Variants in BTN3A1 observed in about 807,000 individuals in gnomAD.
The protein encoded by BTN3A1 is dJ45P21.3 (butyrophilin, subfamily 3, member A1).
BTN3A1 carries 24 observed loss-of-function variants against 43.0 expected under a neutral mutation model. The observed-to-expected ratio is 0.56, with a 90% CI of 0.40 to 0.78. BTN3A1 has a LOEUF of 0.78. BTN3A1 is among the 30% of genes least tolerant of loss of function. The pLI, the probability that BTN3A1 is intolerant of heterozygous loss-of-function variation, is 0.00. For missense variants in BTN3A1, 533 were observed against 626.2 expected (o/e 0.85, Z 1.59); for synonymous variants, 181 against 234.7 (o/e 0.77, Z 2.09).
In BTN3A1 at chr6:26,413,883, CACGCACTGA is replaced by C. The variant is rs1318271900; in HGVS notation, c.*193_*201del. 3 of 1,067,010 alleles carry C rather than the reference CACGCACTGA, an allele frequency of 2.8e-6. No homozygotes were observed. The highest frequency in any genetic ancestry group is 4.1e-6 in the Non-Finnish European group (3 of 733,928). 66.1% of individuals were successfully genotyped at this position (1,067,010 alleles called of 1,614,324 possible). A position where few individuals can be genotyped will look rare whatever the true frequency, so the allele number is the denominator to read the frequency against. On this transcript the variant is annotated 3_prime_UTR_variant, in exon 10 of 10. Transcript: ENST00000289361. Reference sequence around the variant, plus strand: ...CCAATCACAACCATAAAGCTACAAGCACGCACTGAAGCACTTTACTGATACTCATTCAAT... The same window carrying C: ...CCAATCACAACCATAAAGCTACAAGCAGCACTTTACTGATACTCATTCAAT...
Position 26,413,515 on chromosome 6 carries a change from GC to G in BTN3A1, c.1370del (p.Pro457LeufsTer45). ...CCAGAACCAACCTGAAACTTCCTAA[GC>G]CCCCTAAGAAAGTGGGGGTCTTCCT... ...EPRTNLKLPK[P>X]PKKVGVFLDY... On this transcript the variant is annotated frameshift_variant, in exon 10 of 10. Transcript: ENST00000289361. LOFTEE classifies it low-confidence loss of function (END_TRUNC). 6.2e-7 allele frequency: 1 copy of G among 1,614,116 alleles called. No homozygotes were observed. The highest frequency in any genetic ancestry group is 1.3e-5 in the African/African-American group (1 of 75,012).
chr6:26,408,663 T>A (rs1484812866), intron 4 of BTN3A1, among the ~76,000 whole-genome samples: 1 of 152,264 alleles, frequency 6.6e-6, no homozygotes, highest in African/African-American at 2.4e-5. Flanking sequence ...TTGTATGAGA[T>A]GATCCATGTA....
chr6:26,407,490 T>A (rs759437965), intron 3 of BTN3A1, among the ~76,000 whole-genome samples, 181 bp from the exon 4 acceptor site: 1 of 152,214 alleles, frequency 6.6e-6, no homozygotes, highest in African/African-American at 2.4e-5. Flanking sequence ...GCCCCACTGT[T>A]ACTGACCCTG....
At chr6:26,408,111 C>T (rs1411612389) in intron 4 of BTN3A1, among the ~76,000 whole-genome samples, 159 bp downstream of exon 4, 1 of 152,190 alleles carries the variant, frequency 6.6e-6, no homozygotes, top group Non-Finnish European at 1.5e-5. Flanking sequence ...AGCTTCTCTT[C>T]TCCATAAAGC....
chr6:26,410,106 C>T (rs1414248395), intron 7 of BTN3A1, 74 bp downstream of exon 7: 1 of 1,588,012 alleles, frequency 6.3e-7, no homozygotes, highest in East Asian at 2.2e-5. Flanking sequence ...ACTCTTAACT[C>T]TTTCCCCAAG....
In BTN3A1 at chr6:26,413,296, T is replaced by A. The variant is rs773202042; in HGVS notation, c.1146T>A (p.Tyr382Ter). Residue 382 changes from tyrosine to a stop codon, truncating the protein, a stop_gained, in exon 10 of 10, where the codon TAT becomes TAA. Transcript: ENST00000289361. LOFTEE classifies it low-confidence loss of function (END_TRUNC). ...ACCCTGAGAGATTTAATTGGCATTA[T>A]TGTGTTCTCGGCTGTGAGAGCTTCA... ...PDNPERFNWH[Y>*]CVLGCESFIS... 143 of 1,614,030 alleles carry A rather than the reference T, an allele frequency of 8.9e-5. No individual in the cohort carries two copies. In the Admixed American group the frequency reaches 2.3e-3, roughly 26 times the overall value.
At chr6:26,411,174 G>A (rs79628800) in intron 8 of BTN3A1, 39 bp downstream of exon 8, 62,478 of 1,599,596 alleles carry the variant, frequency 0.039, 1,364 homozygotes, top group Middle Eastern at 0.059. Flanking sequence ...GCTGGGACAC[G>A]TGCCATGAAC....
intron 1 of BTN3A1, chr6:26,404,428 T>G (rs991503908): frequency 4.6e-5 from 7 of 152,222 alleles, no homozygotes; most frequent in Non-Finnish European, 1.0e-4. Flanking sequence ...TTTCAGGCAT[T>G]TACATAAATA....
At chr6:26,407,574 G>A (rs1371783082) in intron 3 of BTN3A1, 97 bp from the exon 4 acceptor site, 2 of 1,421,144 alleles carry the variant, frequency 1.4e-6, no homozygotes, top group Non-Finnish European at 1.9e-6. Flanking sequence ...AAATGAAATT[G>A]TTCTTGAATT....
At position 26,415,124 on chromosome 6, in the gene BTN3A1, T is replaced by C. The variant is rs896771613; in HGVS notation, c.*1432T>C. On this transcript the variant is annotated 3_prime_UTR_variant, in exon 10 of 10. Transcript: ENST00000289361. ...GAAAAACTACTCCTCATTATCATCATTATTATTGCTCTCCACTGTATCCCC... is the reference window on the plus strand; with the variant it reads ...GAAAAACTACTCCTCATTATCATCACTATTATTGCTCTCCACTGTATCCCC... 3.3e-5 allele frequency: 5 copies of C among 152,198 alleles called. No individual in the cohort carries two copies. Among genetic ancestry groups the C allele is most frequent in the African/African-American group, 1.2e-4 (5 of 41,436 alleles). 9.4% of individuals were successfully genotyped at this position (152,198 alleles called of 1,614,324 possible).
chr6:26,409,969 C>A, intron 6 of BTN3A1, 37 bp from the exon 7 acceptor site: 2 of 1,614,156 alleles, frequency 1.2e-6, no homozygotes, highest in African/African-American at 1.3e-5. Flanking sequence ...CTGCTTTATG[C>A]GCCTTGATGC....
rs999174057 is a variant in BTN3A1 at position 26,407,893 on chromosome 6, C to A, written c.656C>A (p.Ser219Tyr). 2.5e-6 allele frequency: 4 copies of A among 1,614,210 alleles called. No homozygotes were observed. Among genetic ancestry groups the A allele is most frequent in the Non-Finnish European group, 3.4e-6 (4 of 1,180,040 alleles). Residue 219 changes from serine to tyrosine, a missense_variant, in exon 4 of 10, where the codon TCC becomes TAC. Ser to Tyr is a moderately radical substitution (Grantham distance 144, BLOSUM62 -2). Coordinates refer to ENST00000289361, the MANE Select transcript of BTN3A1 (RefSeq NM_007048.6). The part of the protein sequence containing the change: ...IMRGSSGEGV[S>Y]CTIRSSLLGL... ...AGAGGCAGCTCTGGGGAGGGTGTAT[C>A]CTGTACCATCAGAAGTTCCCTCCTC...
Position 26,407,662 on chromosome 6 carries a change from C to A in BTN3A1, c.434-9C>A, listed in dbSNP as rs1762063917. The A allele has an allele frequency of 6.2e-7, 1 of 1,612,342 alleles. No individual in the cohort carries two copies. ...TCTCAAGAATTTAGGCTAATTCATC[C>A]TTCCACAGCACTGGGTTCTGATCTT... On this transcript the variant is annotated splice_polypyrimidine_tract_variant and intron_variant, in intron 3 of 9. Coordinates refer to ENST00000289361, the MANE Select transcript of BTN3A1 (RefSeq NM_007048.6).
At position 26,411,000 on chromosome 6, in the gene BTN3A1, T is replaced by TAAAAAAA. The variant is rs1170183887; in HGVS notation, c.965-92_965-86dup. On this transcript the variant is annotated intron_variant, in intron 7 of 9. Coordinates refer to ENST00000289361, the MANE Select transcript of BTN3A1 (RefSeq NM_007048.6). ...CTGCAGAGGAGGAAGATACAGGTGG[T>TAAAAAAA]AAAAAAAAAAAAAAAAAAAAAAAGA... 1.9e-3 allele frequency: 672 copies of TAAAAAAA among 359,396 alleles called. 7 individuals are homozygous for TAAAAAAA. Among genetic ancestry groups the TAAAAAAA allele is most frequent in the South Asian group, 4.1e-3 (88 of 21,400 alleles). The allele number at this position is 359,396 out of a possible 1,614,324, so 22.3% of individuals were successfully genotyped here.
At position 26,405,456 on chromosome 6, in the gene BTN3A1, C is replaced by T. The variant is rs375141408; in HGVS notation, c.-108C>T. On this transcript the variant is annotated 5_prime_UTR_variant, in exon 2 of 10. Transcript: ENST00000289361. The stretch of plus-strand genomic sequence containing the variant: ...GGAAAGATCTTCTTCGGTCACCATA[C>T]TTGAGTTAGCTCTAGGGAAGTGGAG... The T allele has an allele frequency of 3.9e-5, 42 of 1,089,640 alleles. No individual in the cohort carries two copies. In the African/African-American group the frequency reaches 6.1e-4, roughly 16 times the overall value. 67.5% of individuals were successfully genotyped at this position (1,089,640 alleles called of 1,614,324 possible). A position where few individuals can be genotyped will look rare whatever the true frequency, so the allele number is the denominator to read the frequency against.
chr6:26,413,001 C>T (rs1393640717), intron 9 of BTN3A1, 168 bp from the exon 10 acceptor site: 1 of 1,464,248 alleles, frequency 6.8e-7, no homozygotes, highest in African/African-American at 1.4e-5. Context: ...TACCTGATAC[C>T]TGGGGCTTTC....
Position 26,411,135 on chromosome 6 carries a change from G to A in BTN3A1, c.991G>A (p.Glu331Lys). Residue 331 changes from glutamate to lysine, a missense_variant and splice_region_variant, in exon 8 of 10, where the codon GAA becomes AAA. Physicochemically the swap from Glu to Lys is moderately conservative, Grantham distance 56 (BLOSUM62 1). Coordinates refer to ENST00000289361, the MANE Select transcript of BTN3A1 (RefSeq NM_007048.6). ...GGGAGAGAGACATTCAGCCTATAAT[G>A]GTGAGTGAACCTGATGCTCTCTGAG... ...SRGERHSAYNEWKKALFKPAD... is the reference protein window; with the variant it reads ...SRGERHSAYNKWKKALFKPAD... 6.2e-7 allele frequency: 1 copy of A among 1,609,442 alleles called. No homozygotes were observed. The highest frequency in any genetic ancestry group is 8.5e-7 in the Non-Finnish European group (1 of 1,178,326).
chr6:26,412,741 A>C, intron 9 of BTN3A1: 1 of 1,551,478 alleles, frequency 6.4e-7, no homozygotes, highest in South Asian at 1.2e-5. Context: ...CACTTTGTTA[A>C]ATAAATTGGA....
chr6:26,403,146 G>C (rs988678627), intron 1 of BTN3A1, among the ~76,000 whole-genome samples: 1 of 152,166 alleles, frequency 6.6e-6, no homozygotes, highest in African/African-American at 2.4e-5. Context: ...GCTTACTGCA[G>C]CCTCTGCTTC....
Sources: gnomAD v4.1 joint callset for allele counts (sites outside exome capture counted in the v4.1 genomes callset) on GRCh38, gnomAD v4.1.1 for gene constraint, MANE v1.5 for transcripts, NCBI Gene and HGNC (gene_info 2026-07-23, HGNC 2026-07-21) for gene names.